The following CYB5A variants were observed in gnomAD, a reference collection of about 807,000 sequenced individuals.
The protein encoded by CYB5A is cytochrome b5.
CYB5A carries 10 observed loss-of-function variants against 16.2 expected under a neutral mutation model. The observed-to-expected ratio is 0.62, with a 90% CI of 0.38 to 1.04. The LOEUF (loss-of-function observed/expected upper bound fraction) is 1.04, where lower values mean the gene tolerates loss of function less well. Among genes scored for constraint, CYB5A ranks in the 50% least tolerant of loss-of-function variants. CYB5A has a pLI of 0.01. For synonymous variants in CYB5A, 62 were observed against 57.0 expected, an observed-to-expected ratio of 1.09 and a Z score of -0.40; for missense variants, 161 against 165.9, an observed-to-expected ratio of 0.97 and a Z score of 0.16.
At chr18:74,277,808 C>G (rs906701143) in intron 1 of CYB5A, among the ~76,000 whole-genome samples, 1 of 152,188 alleles carries the variant, frequency 6.6e-6, no homozygotes, top group African/African-American at 2.4e-5. Context: ...TGAGGCAGAA[C>G]ACAACGGTGT....
intron 1 of CYB5A, among the ~76,000 whole-genome samples, chr18:74,291,443 C>T (rs1164082937): frequency 7.4e-6 from 1 of 135,196 alleles, no homozygotes; most frequent in African/African-American, 2.7e-5. Context: ...GGTGTGCACG[C>T]GCAGGTGTGC....
intron 2 of CYB5A, among the ~76,000 whole-genome samples, chr18:74,262,463 A>AG (rs1462383046): frequency 1.3e-5 from 2 of 151,020 alleles, no homozygotes; most frequent in African/African-American, 2.4e-5. Flanking sequence ...CTCAAAAAAA[A>AG]AAAAAAAGAA....
At chr18:74,274,418 G>A (rs1172018440) in intron 1 of CYB5A, among the ~76,000 whole-genome samples, 1 of 152,134 alleles carries the variant, frequency 6.6e-6, no homozygotes, top group African/African-American at 2.4e-5. Flanking sequence ...TATAAAAACT[G>A]GCAAGATAAA....
Position 74,253,432 on chromosome 18 carries a change from T to C in CYB5A, c.*152A>G, listed in dbSNP as rs1258489456. The C allele has an allele frequency of 1.7e-6, 1 of 602,012 alleles. No individual in the cohort carries two copies. The highest frequency in any genetic ancestry group is 3.0e-6 in the Non-Finnish European group (1 of 330,328). The allele number at this position is 602,012 out of a possible 1,614,324, so 37.3% of individuals were successfully genotyped here. A position where few individuals can be genotyped will look rare whatever the true frequency, so the allele number is the denominator to read the frequency against. Reference sequence around the variant, plus strand: ...TGAGCGCAGAAAGGACAGTTCTTTTTGTTTTGTTTCTAATGTCGGAAGAAA... The same window carrying C: ...TGAGCGCAGAAAGGACAGTTCTTTTCGTTTTGTTTCTAATGTCGGAAGAAA... On this transcript the variant is annotated 3_prime_UTR_variant, in exon 5 of 5. Transcript: ENST00000340533.
chr18:74,289,251 TTTTCTCGGAAAA>T (rs1983437518), intron 1 of CYB5A, among the ~76,000 whole-genome samples: 1 of 152,220 alleles, frequency 6.6e-6, no homozygotes, highest in African/African-American at 2.4e-5. Context: ...ATCTCTCAGT[TTTTCTCGGAAAA>T]TTTTTTGCAC....
At chr18:74,282,448 T>C (rs1347205695) in intron 1 of CYB5A, among the ~76,000 whole-genome samples, 2 of 152,190 alleles carry the variant, frequency 1.3e-5, no homozygotes, top group Non-Finnish European at 2.9e-5. Context: ...CAGGGGCTCG[T>C]ATCTGTTCCT....
intron 2 of CYB5A, 124 bp downstream of exon 2, chr18:74,263,224 TA>T: frequency 2.4e-6 from 3 of 1,249,744 alleles, no homozygotes; most frequent in African/African-American, 3.0e-5. Flanking sequence ...AATGGTGTCC[TA>T]AAATCAGGAG....
At chr18:74,268,009 C>T (rs1262832643) in intron 1 of CYB5A, among the ~76,000 whole-genome samples, 2 of 152,192 alleles carry the variant, frequency 1.3e-5, no homozygotes, top group Non-Finnish European at 2.9e-5. Context: ...TAACGGTCTT[C>T]CGTCTTTCCA....
chr18:74,261,181 G>T, intron 2 of CYB5A: 2 of 484,132 alleles, frequency 4.1e-6, no homozygotes, highest in South Asian at 4.1e-5. Flanking sequence ...CAGCACCCAT[G>T]ACAGCTCTCT....
At chr18:74,278,186 G>A (rs1401881668) in intron 1 of CYB5A, among the ~76,000 whole-genome samples, 1 of 152,144 alleles carries the variant, frequency 6.6e-6, no homozygotes, top group Non-Finnish European at 1.5e-5. Context: ...GGAGGCCCTG[G>A]GGAATGAACG....
At chr18:74,267,667 C>A (rs1175121240) in intron 1 of CYB5A, among the ~76,000 whole-genome samples, 1 of 152,104 alleles carries the variant, frequency 6.6e-6, no homozygotes, top group African/African-American at 2.4e-5. Context: ...GTAAACTTAT[C>A]TGATGATTAT....
intron 1 of CYB5A, among the ~76,000 whole-genome samples, chr18:74,270,968 T>C (rs2145060743): frequency 6.6e-6 from 1 of 152,330 alleles, no homozygotes; most frequent in South Asian, 2.1e-4. Context: ...TAAGCACAGA[T>C]CATTCTTACA....
rs1981841632 is a variant in CYB5A at position 74,253,497 on chromosome 18, G to A, written c.*87C>T. The A allele has an allele frequency of 1.3e-6, 1 of 781,614 alleles. No homozygotes were observed. Among genetic ancestry groups the A allele is most frequent in the Non-Finnish European group, 2.3e-6 (1 of 441,798 alleles). The allele number at this position is 781,614 out of a possible 1,614,324, so 48.4% of individuals were successfully genotyped here. On this transcript the variant is annotated 3_prime_UTR_variant, in exon 5 of 5. Transcript: ENST00000340533. ...TTAAAATCATTGTTTTCAAGTGAAG[G>A]TTTCTGTCAGTTGAAGTAGTTAGCA... is the stretch of plus-strand genomic sequence containing the variant.
chr18:74,263,206 T>G, intron 2 of CYB5A, 143 bp downstream of exon 2: 1 of 1,048,354 alleles, frequency 9.5e-7, no homozygotes, highest in Non-Finnish European at 1.4e-6. Flanking sequence ...AATTTATTTA[T>G]AACAAAAAAT....
intron 1 of CYB5A, among the ~76,000 whole-genome samples, chr18:74,281,177 A>C (rs1285105605): frequency 6.6e-6 from 1 of 152,180 alleles, no homozygotes; most frequent in South Asian, 2.1e-4. Context: ...TGGCCTGAGC[A>C]GCTGGGAGAA....
At chr18:74,275,776 T>C (rs1568221169) in intron 1 of CYB5A, among the ~76,000 whole-genome samples, 1 of 152,004 alleles carries the variant, frequency 6.6e-6, no homozygotes, top group Non-Finnish European at 1.5e-5. Context: ...CGGGAGCTAT[T>C]AAAAAATAAC....
chr18:74,291,953 C>A lies in CYB5A; in HGVS notation c.-78G>T. The A allele has an allele frequency of 6.3e-7, 1 of 1,597,532 alleles. No homozygotes were observed. ...GAGCGCGCGACTCAGCCAGCTCCAC[C>A]CGGGACATTCCCCGCGCCGGGAACC... is the stretch of plus-strand genomic sequence containing the variant. On this transcript the variant is annotated 5_prime_UTR_variant, in exon 1 of 5. Transcript: ENST00000340533.
At chr18:74,261,739 T>A (rs902782729) in intron 2 of CYB5A, 1 of 152,428 alleles carries the variant, frequency 6.6e-6, no homozygotes, top group African/African-American at 2.4e-5. Context: ...GAACCTAATG[T>A]AACCTCTTCT....
At chr18:74,284,708 G>A (rs1289470554) in intron 1 of CYB5A, among the ~76,000 whole-genome samples, 13 of 152,114 alleles carry the variant, frequency 8.5e-5, no homozygotes, top group Admixed American at 5.2e-4. Context: ...GAGCCTAGAG[G>A]CTGTTAATCA....
Sources: gnomAD v4.1 joint callset for allele counts (sites outside exome capture counted in the v4.1 genomes callset) on GRCh38, gnomAD v4.1.1 for gene constraint, MANE v1.5 for transcripts, NCBI Gene and HGNC (gene_info 2026-07-23, HGNC 2026-07-21) for gene names.